Variants in EXT1 observed in about 807,000 individuals in gnomAD.
The protein encoded by EXT1 is exostosin glycosyltransferase 1.
In EXT1, 20 loss-of-function variants were observed where a neutral mutation model predicts 82.5. The ratio of observed to expected loss-of-function variants is 0.24; its 90% CI spans 0.17 to 0.35. EXT1 has a LOEUF of 0.35. Among genes scored for constraint, EXT1 ranks in the 10% least tolerant of loss-of-function variants. The probability of loss-of-function intolerance (pLI) is 1.00; values close to 1 mark genes in which losing one functional copy is unlikely to be tolerated. For synonymous variants in EXT1, 348 were observed against 350.8 expected, an observed-to-expected ratio of 0.99 and a Z score of 0.09; for missense variants, 757 against 936.5, an observed-to-expected ratio of 0.81 and a Z score of 2.50.
chr8:117,942,607 A>T (rs1739619644), intron 1 of EXT1, among the ~76,000 whole-genome samples: 1 of 152,124 alleles, frequency 6.6e-6, no homozygotes, highest in Admixed American at 6.5e-5. Flanking sequence ...GCTACTCGGG[A>T]GGCTGAGGCA....
intron 1 of EXT1, among the ~76,000 whole-genome samples, chr8:117,979,659 A>C (rs943820270): frequency 5.9e-5 from 9 of 152,162 alleles, no homozygotes; most frequent in Non-Finnish European, 1.3e-4. Flanking sequence ...AGACCGGGCA[A>C]AACACCATTT....
chr8:118,006,979 G>C (rs901288642), intron 1 of EXT1, among the ~76,000 whole-genome samples: 2 of 152,192 alleles, frequency 1.3e-5, no homozygotes, highest in African/African-American at 4.8e-5. Flanking sequence ...TGTTAGAGTT[G>C]GCAATTAATT....
intron 1 of EXT1, among the ~76,000 whole-genome samples, chr8:117,989,960 C>T (rs1815399990): frequency 6.6e-6 from 1 of 152,130 alleles, no homozygotes; most frequent in African/African-American, 2.4e-5. Context: ...CTTTGAGAGG[C>T]CAAGAGTTTG....
intron 1 of EXT1, among the ~76,000 whole-genome samples, chr8:117,910,691 CA>C (rs1270601013): frequency 1.3e-5 from 2 of 152,168 alleles, no homozygotes; most frequent in African/African-American, 2.4e-5. Flanking sequence ...ATTTAAGCAC[CA>C]AGTGTCATTG....
At chr8:118,021,722 G>A (rs1452222035) in intron 1 of EXT1, among the ~76,000 whole-genome samples, 1 of 152,092 alleles carries the variant, frequency 6.6e-6, no homozygotes, top group Non-Finnish European at 1.5e-5. Flanking sequence ...AGCTATCATT[G>A]GGTTTTGCCT....
At chr8:117,803,765 A>G (rs1400731420) in intron 10 of EXT1, among the ~76,000 whole-genome samples, 3 of 152,186 alleles carry the variant, frequency 2.0e-5, no homozygotes. Flanking sequence ...TACCTTTAAT[A>G]CTAAAATTGT....
chr8:117,945,658 T>C (rs1355663597), intron 1 of EXT1, among the ~76,000 whole-genome samples: 1 of 151,794 alleles, frequency 6.6e-6, no homozygotes, highest in Non-Finnish European at 1.5e-5. Context: ...CCCACCACCA[T>C]ACCCAGCTAA....
At chr8:118,071,430 T>C (rs1410971237) in intron 1 of EXT1, among the ~76,000 whole-genome samples, 1 of 151,928 alleles carries the variant, frequency 6.6e-6, no homozygotes, top group Non-Finnish European at 1.5e-5. Flanking sequence ...GTGAGTTTTT[T>C]ACTGTTAAAA....
chr8:117,922,421 T>C (rs934869493), intron 1 of EXT1, among the ~76,000 whole-genome samples: 2 of 152,136 alleles, frequency 1.3e-5, no homozygotes, highest in African/African-American at 2.4e-5. Flanking sequence ...GAGGGGCAAG[T>C]TGTTGCGTTA....
chr8:117,905,640 G>A (rs1813529633), intron 1 of EXT1, among the ~76,000 whole-genome samples: 1 of 151,948 alleles, frequency 6.6e-6, no homozygotes, highest in African/African-American at 2.4e-5. Context: ...GTGAAAGCCC[G>A]TCTGTACTAA....
chr8:118,100,245 T>C (rs1219444856), intron 1 of EXT1, among the ~76,000 whole-genome samples: 1 of 152,142 alleles, frequency 6.6e-6, no homozygotes, highest in Admixed American at 6.5e-5. Context: ...GGTATTGTGG[T>C]GGGTCCTGAG....
At chr8:118,015,807 C>T (rs1302632302) in intron 1 of EXT1, among the ~76,000 whole-genome samples, 1 of 152,142 alleles carries the variant, frequency 6.6e-6, no homozygotes, top group Non-Finnish European at 1.5e-5. Context: ...GGGGAGGGCC[C>T]TTAATCCAGT....
intron 1 of EXT1, among the ~76,000 whole-genome samples, chr8:118,011,998 C>T (rs965283281): frequency 1.3e-5 from 2 of 152,206 alleles, no homozygotes; most frequent in Admixed American, 1.3e-4. Context: ...GCAGCAGCAG[C>T]AGGAGGAGCC....
chr8:117,806,340 T>C (rs1263731701), intron 9 of EXT1, among the ~76,000 whole-genome samples: 2 of 152,222 alleles, frequency 1.3e-5, no homozygotes, highest in Non-Finnish European at 2.9e-5. Context: ...GTCTTCATGA[T>C]GGACATCAAG....
At chr8:117,927,842 G>T (rs1209162655) in intron 1 of EXT1, among the ~76,000 whole-genome samples, 1 of 152,186 alleles carries the variant, frequency 6.6e-6, no homozygotes, top group Non-Finnish European at 1.5e-5. Flanking sequence ...TGAACAAAAG[G>T]TCCACATTTT....
chr8:117,910,033 G>A (rs1045897341), intron 1 of EXT1, among the ~76,000 whole-genome samples: 16 of 152,122 alleles, frequency 1.1e-4, no homozygotes, highest in African/African-American at 3.4e-4. Context: ...CTCCCAAAGC[G>A]TTGGGATTAC....
intron 1 of EXT1, among the ~76,000 whole-genome samples, chr8:118,055,044 A>G (rs866588042): frequency 2.0e-5 from 3 of 152,080 alleles, no homozygotes; most frequent in Admixed American, 6.6e-5. Flanking sequence ...GTATATTTTG[A>G]TAAGTTTGAC....
intron 1 of EXT1, among the ~76,000 whole-genome samples, chr8:117,988,502 GAGA>G (rs1815365771): frequency 6.6e-6 from 1 of 152,132 alleles, no homozygotes; most frequent in South Asian, 2.1e-4. Flanking sequence ...ACCACACTTT[GAGA>G]ACCACTGCTG....
intron 1 of EXT1, among the ~76,000 whole-genome samples, chr8:118,083,666 C>G (rs1817370071): frequency 6.6e-6 from 1 of 152,106 alleles, no homozygotes; most frequent in South Asian, 2.1e-4. Context: ...GTAAGAAGCT[C>G]AATAGAAGTT....
Sources: gnomAD v4.1 joint callset for allele counts (sites outside exome capture counted in the v4.1 genomes callset) on GRCh38, gnomAD v4.1.1 for gene constraint, MANE v1.5 for transcripts, NCBI Gene and HGNC (gene_info 2026-07-23, HGNC 2026-07-21) for gene names.